Variants in VIPR1 observed in about 807,000 individuals in gnomAD.
VIPR1 encodes the protein vasoactive intestinal polypeptide receptor 1.
In VIPR1, 59 loss-of-function variants were observed where a neutral mutation model predicts 58.8. The ratio of observed to expected loss-of-function variants is 1.00; its 90% CI spans 0.81 to 1.25. VIPR1 has a LOEUF of 1.25. Ranked by LOEUF, VIPR1 falls within the 50% of genes most tolerant of loss-of-function variation. VIPR1 has a pLI of 0.00. For synonymous variants in VIPR1, 251 were observed against 242.1 expected, an observed-to-expected ratio of 1.04 and a Z score of -0.34; for missense variants, 626 against 602.7, an observed-to-expected ratio of 1.04 and a Z score of -0.40.
chr3:42,499,607 G>A (rs71315546), upstream of VIPR1, among the ~76,000 whole-genome samples: 876 of 152,316 alleles, frequency 5.8e-3, 2 homozygotes, highest in Middle Eastern at 0.01. Context: ...ATGCAAGAAG[G>A]ACATGGGGGA....
chr3:42,509,495 C>A (rs550611896), intron 1 of VIPR1: 12 of 152,424 alleles, frequency 7.9e-5, no homozygotes, highest in Admixed American at 2.0e-4. Context: ...TCTCAGAGAA[C>A]CCCACATGGA....
chr3:42,505,803 C>T (rs563762244), intron 1 of VIPR1, among the ~76,000 whole-genome samples: 1 of 152,160 alleles, frequency 6.6e-6, no homozygotes, highest in African/African-American at 2.4e-5. Context: ...GGAAGGGCCT[C>T]GGGTTCCTCA....
chr3:42,532,758 C>A, intron 10 of VIPR1: 1 of 230,632 alleles, frequency 4.3e-6, no homozygotes. Flanking sequence ...ATGTTCGGGA[C>A]TCAGTATTCC....
At chr3:42,490,796 T>G (rs1699652351) in intron 1 of VIPR1, among the ~76,000 whole-genome samples, 1 of 152,030 alleles carries the variant, frequency 6.6e-6, no homozygotes, top group Non-Finnish European at 1.5e-5. Context: ...GCCATGGGAA[T>G]ACCGGGGAAG....
intron 4 of VIPR1, among the ~76,000 whole-genome samples, chr3:42,526,208 C>A (rs755659520): frequency 6.6e-6 from 1 of 152,188 alleles, no homozygotes; most frequent in Non-Finnish European, 1.5e-5. Context: ...ACAGGAGGGG[C>A]CCCCAGAGCA....
intron 1 of VIPR1, chr3:42,513,454 C>T: frequency 2.9e-6 from 1 of 349,030 alleles, no homozygotes; most frequent in Non-Finnish European, 5.4e-6. Flanking sequence ...AAGGGGAGGC[C>T]CTCTTGCCGC....
chr3:42,536,306 G>A lies in VIPR1; in HGVS notation c.*25G>A. On this transcript the variant is annotated 3_prime_UTR_variant, in exon 13 of 13. Coordinates refer to ENST00000325123, the MANE Select transcript of VIPR1 (RefSeq NM_004624.4). ...ACCACCAGGATCCCAGGGGCCCAAG[G>A]CGGCCCCTCCCGCCCCTTCCCACTC... The A allele has an allele frequency of 1.3e-6, 2 of 1,494,262 alleles. No homozygotes were observed. The highest frequency in any genetic ancestry group is 2.0e-5 in the Admixed American group (1 of 48,872). 92.6% of individuals were successfully genotyped at this position (1,494,262 alleles called of 1,614,324 possible). A position where few individuals can be genotyped will look rare whatever the true frequency, so the allele number is the denominator to read the frequency against.
intron 1 of VIPR1, among the ~76,000 whole-genome samples, chr3:42,510,900 C>G (rs115191925): frequency 6.6e-6 from 1 of 151,970 alleles, no homozygotes; most frequent in Admixed American, 6.6e-5. Context: ...CTCAGAGAGT[C>G]GCAAGCAGAA....
intron 1 of VIPR1, chr3:42,512,998 A>C: frequency 1.4e-6 from 1 of 733,540 alleles, no homozygotes; most frequent in Non-Finnish European, 1.6e-6. Context: ...ATCCCTGGCC[A>C]GGGTACAGGG....
intron 3 of VIPR1, among the ~76,000 whole-genome samples, chr3:42,522,099 ATATTTTTTT>A (rs1299918673): frequency 1.6e-3 from 87 of 55,540 alleles, no homozygotes; most frequent in Non-Finnish European, 2.0e-3. Context: ...ATATATATAT[ATATTTTTTT>A]TTTTTTTTTT....
upstream of VIPR1, among the ~76,000 whole-genome samples, chr3:42,501,150 AAGAAAGAAG>A (rs1290767517): frequency 2.0e-5 from 3 of 152,062 alleles, no homozygotes; most frequent in Non-Finnish European, 4.4e-5. The surrounding 1 kb of genome is among the most constrained non-coding windows in gnomAD (Gnocchi z 4.8). Flanking sequence ...GGAAGGGAGG[AAGAAAGAAG>A]AGAAAGAAGA....
chr3:42,534,728 G>T, intron 10 of VIPR1: 1 of 406,158 alleles, frequency 2.5e-6, no homozygotes, highest in Non-Finnish European at 4.5e-6. Context: ...GGTGAGAATA[G>T]AGGGGGTTTC....
At chr3:42,515,684 G>C (rs538454538) in intron 2 of VIPR1, among the ~76,000 whole-genome samples, 2 of 152,358 alleles carry the variant, frequency 1.3e-5, no homozygotes, top group South Asian at 4.1e-4. Context: ...GGCTCTGTGC[G>C]TGTTCATGCA....
chr3:42,523,604 T>TACAC (rs60726747), intron 3 of VIPR1, among the ~76,000 whole-genome samples: 29,994 of 129,704 alleles, frequency 0.23, 3,565 homozygotes, highest in African/African-American at 0.34. Flanking sequence ...CCTCCGCCAC[T>TACAC]ACACACACAC....
chr3:42,536,717 C>T lies in VIPR1; in HGVS notation c.*436C>T, dbSNP rs1701869938. The T allele has an allele frequency of 1.8e-5, 3 of 162,830 alleles. No individual in the cohort carries two copies. The highest frequency in any genetic ancestry group is 6.4e-5 in the Admixed American group (1 of 15,550). The allele number at this position is 162,830 out of a possible 1,614,324, so 10.1% of individuals were successfully genotyped here. ...CCGGGAAGGTCACCAGCACCAACACCACGGTAGTGCCTGAAATTTCACCAT... is the reference window on the plus strand; with the variant it reads ...CCGGGAAGGTCACCAGCACCAACACTACGGTAGTGCCTGAAATTTCACCAT... On this transcript the variant is annotated 3_prime_UTR_variant, in exon 13 of 13. Coordinates refer to ENST00000325123, the MANE Select transcript of VIPR1 (RefSeq NM_004624.4).
chr3:42,515,007 C>T (rs80003014), intron 2 of VIPR1, among the ~76,000 whole-genome samples: 4,704 of 152,290 alleles, frequency 0.031, 164 homozygotes, highest in African/African-American at 0.091. Context: ...TCAAGTCTTA[C>T]TGCCAGGGAC....
At position 42,536,337 on chromosome 3, in the gene VIPR1, G is replaced by C; in HGVS notation, c.*56G>C. On this transcript the variant is annotated 3_prime_UTR_variant, in exon 13 of 13. Transcript: ENST00000325123. ...CCTCCCGCCCCTTCCCACTCACCCC[G>C]GCAGACGCCGGGGACAGAGGCCTGC... 1.4e-6 allele frequency: 2 copies of C among 1,459,554 alleles called. No homozygotes were observed. Among genetic ancestry groups the C allele is most frequent in the South Asian group, 2.8e-5 (2 of 71,516 alleles). The allele number at this position is 1,459,554 out of a possible 1,614,324, so 90.4% of individuals were successfully genotyped here. A position where few individuals can be genotyped will look rare whatever the true frequency, so the allele number is the denominator to read the frequency against.
At chr3:42,513,552 C>T (rs934044876) in intron 1 of VIPR1, 197 bp from the exon 2 acceptor site, 1 of 557,224 alleles carries the variant, frequency 1.8e-6, no homozygotes, top group Admixed American at 3.1e-5. Flanking sequence ...TGGCAGGGTC[C>T]TCGGGGCCGA....
At chr3:42,527,770 C>A in intron 5 of VIPR1, 1 of 678,786 alleles carries the variant, frequency 1.5e-6, no homozygotes, top group Non-Finnish European at 2.5e-6. Context: ...GCTTCTGGGG[C>A]CACACACGAG....
Sources: allele counts gnomAD v4.1 joint callset (sites outside exome capture counted in the v4.1 genomes callset), GRCh38; gene constraint gnomAD v4.1.1; non-coding constraint Gnocchi (gnomAD v3.1); transcripts MANE v1.5; gene names NCBI Gene and HGNC (gene_info 2026-07-23, HGNC 2026-07-21).